Variants in ANKRD13A observed in about 807,000 individuals in gnomAD.
ANKRD13A encodes the protein ankyrin repeat domain 13A.
A neutral mutation model predicts 81.3 loss-of-function variants in ANKRD13A; 48 were observed. The ratio of observed to expected loss-of-function variants is 0.59; its 90% CI spans 0.47 to 0.75. ANKRD13A has a LOEUF of 0.75. ANKRD13A is among the 30% of genes least tolerant of loss of function. The probability of loss-of-function intolerance (pLI) is 0.00; values close to 1 mark genes in which losing one functional copy is unlikely to be tolerated. For missense variants in ANKRD13A, 612 were observed against 734.0 expected (o/e 0.83, Z 1.92); for synonymous variants, 230 against 270.1 (o/e 0.85, Z 1.45).
intron 13 of ANKRD13A, among the ~76,000 whole-genome samples, chr12:110,035,237 C>G (rs1891958015): frequency 6.6e-6 from 1 of 152,174 alleles, no homozygotes; most frequent in African/African-American, 2.4e-5. Flanking sequence ...ACCTTGTTGA[C>G]CATAAGTTTT....
chr12:110,014,928 C>T (rs1167811975), intron 3 of ANKRD13A, among the ~76,000 whole-genome samples: 1 of 151,958 alleles, frequency 6.6e-6, no homozygotes, highest in Non-Finnish European at 1.5e-5. Context: ...GGACTACAGG[C>T]GCCCACCACC....
rs968032944 is a variant in ANKRD13A, at chr12:110,028,719, C to T, written c.1076+77C>T. The stretch of plus-strand genomic sequence containing the variant: ...GCTGTTTTATGGTGTTATGTTGGAT[C>T]ATTCCACTGCCCTCCCCACCACCCT... On this transcript the variant is annotated intron_variant, in intron 10 of 14. Transcript: ENST00000261739. 3.8e-6 allele frequency: 6 copies of T among 1,573,396 alleles called. No individual in the cohort carries two copies. The South Asian group carries it at 4.5e-5, about 12-fold the overall frequency.
intron 1 of ANKRD13A, among the ~76,000 whole-genome samples, chr12:110,009,684 T>C (rs554901798): frequency 1.3e-5 from 2 of 152,224 alleles, no homozygotes; most frequent in Non-Finnish European, 2.9e-5. Context: ...ATGAGAGAGA[T>C]GCAGGAAGGT....
In ANKRD13A at chr12:110,018,712, T is replaced by C. The variant is rs556361467; in HGVS notation, c.544+224T>C. Among the ~76,000 whole-genome samples, 1 of 152,340 alleles carries C rather than the reference T, an allele frequency of 6.6e-6. No homozygotes were observed. Among genetic ancestry groups the C allele is most frequent in the East Asian group, 1.9e-4 (1 of 5,192 alleles). The stretch of plus-strand genomic sequence containing the variant: ...TACCACCCAGCAGTTACCCTTGTGA[T>C]GTGTCTGCTTCACTTTCCTGAGCCT... On this transcript the variant is annotated intron_variant, in intron 5 of 14. Transcript: ENST00000261739. This position sits in a 1 kb window ranked among gnomAD's most constrained non-coding sequence, Gnocchi z 4.4.
Position 110,018,233 on chromosome 12 carries a change from G to T in ANKRD13A, c.401-112G>T, listed in dbSNP as rs543568849. On this transcript the variant is annotated intron_variant, in intron 4 of 14. Transcript: ENST00000261739. This position sits in a 1 kb window ranked among gnomAD's most constrained non-coding sequence, Gnocchi z 4.4. Reference sequence around the variant, plus strand: ...AAAGCCAAGAAGTCCGTTGTTTGATGGTCACCATCTTGCCACTCCCCTCCT... The same window carrying T: ...AAAGCCAAGAAGTCCGTTGTTTGATTGTCACCATCTTGCCACTCCCCTCCT... 4 of 1,132,454 alleles carry T rather than the reference G, an allele frequency of 3.5e-6. No individual in the cohort carries two copies. The highest frequency in any genetic ancestry group is 5.0e-6 in the Non-Finnish European group (4 of 805,398). 70.2% of individuals were successfully genotyped at this position (1,132,454 alleles called of 1,614,324 possible).
chr12:110,007,527 T>C (rs1333733752), intron 1 of ANKRD13A, among the ~76,000 whole-genome samples: 2 of 152,026 alleles, frequency 1.3e-5, no homozygotes, highest in African/African-American at 4.8e-5. Flanking sequence ...ATTACAGACA[T>C]GTGCCACCAC....
In ANKRD13A at chr12:110,033,863, A is replaced by C; in HGVS notation, c.1415A>C (p.Gln472Pro). ...GAAATTCCCGAATCTTACTATGTTC[A>C]AGACAATGGCAGAAATGTGCATTTG... ...VFEIPESYYV[Q>P]DNGRNVHLQD... Residue 472 changes from glutamine (Q) to proline (P), a missense_variant, in exon 13 of 15, where the codon CAA becomes CCA. Gln to Pro is a moderately conservative substitution (Grantham distance 76). Coordinates refer to ENST00000261739, the MANE Select transcript of ANKRD13A (RefSeq NM_033121.2). 4 of 1,613,622 alleles carry C rather than the reference A, an allele frequency of 2.5e-6. No homozygotes were observed. The highest frequency in any genetic ancestry group is 3.4e-6 in the Non-Finnish European group (4 of 1,179,810).
rs1890911392 is a variant in ANKRD13A, at chr12:110,018,519, TCA to T, written c.544+32_544+33del. 6.3e-7 allele frequency: 1 copy of T among 1,599,534 alleles called. No individual in the cohort carries two copies. Among genetic ancestry groups the T allele is most frequent in the Non-Finnish European group, 8.5e-7 (1 of 1,170,560 alleles). The stretch of plus-strand genomic sequence containing the variant: ...TGACTTCTCTTGTAGTAATCACTGC[TCA>T]AGCAAAATTACAGGGTGATTTTTAA... On this transcript the variant is annotated intron_variant, in intron 5 of 14. Coordinates refer to ENST00000261739, the MANE Select transcript of ANKRD13A (RefSeq NM_033121.2). The surrounding 1 kb of genome is among the most constrained non-coding windows in gnomAD (Gnocchi z 4.4).
At chr12:110,006,862 C>T (rs551968096) in intron 1 of ANKRD13A, among the ~76,000 whole-genome samples, 47 of 152,292 alleles carry the variant, frequency 3.1e-4, no homozygotes, top group African/African-American at 1.1e-3. Flanking sequence ...TCCCAAAGTG[C>T]TGGGATTATA....
intron 1 of ANKRD13A, among the ~76,000 whole-genome samples, chr12:110,008,560 T>C (rs1890353784): frequency 6.6e-6 from 1 of 152,202 alleles, no homozygotes; most frequent in African/African-American, 2.4e-5. Flanking sequence ...TTGTGAAACA[T>C]TGGTATTAAT....
intron 8 of ANKRD13A, 74 bp downstream of exon 8, chr12:110,025,897 T>C (rs1161855002): frequency 8.9e-6 from 12 of 1,342,264 alleles, no homozygotes; most frequent in Non-Finnish European, 1.2e-5. Context: ...TTGTTGGCTC[T>C]GTTAAGTTTA....
At chr12:110,005,702 A>G (rs1010912673) in intron 1 of ANKRD13A, among the ~76,000 whole-genome samples, 13 of 152,028 alleles carry the variant, frequency 8.6e-5, no homozygotes, top group Non-Finnish European at 1.0e-4. Context: ...TGGATGTACT[A>G]TGTTTTGTTT....
At chr12:110,037,041 G>A (rs1426270052) in intron 14 of ANKRD13A, among the ~76,000 whole-genome samples, 1 of 152,194 alleles carries the variant, frequency 6.6e-6, no homozygotes, top group African/African-American at 2.4e-5. Flanking sequence ...GAAAAACCGC[G>A]AGGATTCATT....
intron 4 of ANKRD13A, among the ~76,000 whole-genome samples, chr12:110,017,622 T>G (rs1890860555): frequency 6.6e-6 from 1 of 152,112 alleles, no homozygotes; most frequent in South Asian, 2.1e-4. Context: ...TCACTCTTAT[T>G]TCAGGTTTTG....
In ANKRD13A at chr12:110,013,640, G is replaced by A. The variant is rs528077157; in HGVS notation, c.354+391G>A. 2.0e-5 allele frequency among the ~76,000 whole-genome samples: 3 copies of A among 152,132 alleles called. No homozygotes were observed. In the East Asian group the frequency reaches 5.8e-4, roughly 29 times the overall value. ...AAAAAAATTAGCAGGGCATGGTAGTGCATACCTGTAGTCTGAGCTACTTGG... is the reference window on the plus strand; with the variant it reads ...AAAAAAATTAGCAGGGCATGGTAGTACATACCTGTAGTCTGAGCTACTTGG... On this transcript the variant is annotated intron_variant, in intron 3 of 14. Coordinates refer to ENST00000261739, the MANE Select transcript of ANKRD13A (RefSeq NM_033121.2).
chr12:110,037,283 T>C, intron 14 of ANKRD13A, 76 bp from the exon 15 acceptor site: 1 of 1,423,516 alleles, frequency 7.0e-7, no homozygotes, highest in Non-Finnish European at 9.7e-7. Context: ...TGGTAAGCGG[T>C]TAAGAAATGT....
intron 12 of ANKRD13A, among the ~76,000 whole-genome samples, chr12:110,031,152 T>A (rs1198394790): frequency 6.6e-6 from 1 of 152,006 alleles, no homozygotes; most frequent in Non-Finnish European, 1.5e-5. Context: ...TAATTCACTC[T>A]GAAGCTGGAA....
chr12:110,013,721 C>A (rs1047150825), intron 3 of ANKRD13A, among the ~76,000 whole-genome samples: 3 of 152,028 alleles, frequency 2.0e-5, no homozygotes, highest in Non-Finnish European at 4.4e-5. Flanking sequence ...CAGTGAGCCA[C>A]CCCTGAGTGA....
rs377673931 is a variant in ANKRD13A, at chr12:110,027,718, G to C, written c.897G>C (p.Pro299=). The C allele has an allele frequency of 3.1e-6, 5 of 1,613,942 alleles. No individual in the cohort carries two copies. The highest frequency in any genetic ancestry group is 2.7e-5 in the African/African-American group (2 of 74,894). The change falls in exon 9 of 15, where the codon CCG becomes CCC. Residue 299 remains proline, a synonymous_variant. Coordinates refer to ENST00000261739, the MANE Select transcript of ANKRD13A (RefSeq NM_033121.2). ...EKKRYKADRN[P]LESLLGTVEH... ...ACCCCTCTGTAGCAGACAGGAACCC[G>C]CTGGAATCTTTGCTGGGAACTGTGG...
Sources: allele counts gnomAD v4.1 joint callset (sites outside exome capture counted in the v4.1 genomes callset), GRCh38; gene constraint gnomAD v4.1.1; non-coding constraint Gnocchi (gnomAD v3.1); transcripts MANE v1.5; gene names NCBI Gene and HGNC (gene_info 2026-07-23, HGNC 2026-07-21).